DGLUCY: variants seen among roughly 807,000 people sequenced by gnomAD.
The protein encoded by DGLUCY is D-glutamate cyclase.
A neutral mutation model predicts 58.5 loss-of-function variants in DGLUCY; 58 were observed. The ratio of observed to expected loss-of-function variants is 0.99; its 90% CI spans 0.80 to 1.23. DGLUCY has a LOEUF of 1.23. DGLUCY is among the 50% of genes most tolerant of loss of function. The pLI is 0.00. For missense variants in DGLUCY, 779 were observed against 784.7 expected, an observed-to-expected ratio of 0.99 and a Z score of 0.09; for synonymous variants, 325 against 314.1, an observed-to-expected ratio of 1.03 and a Z score of -0.37.
intron 1 of DGLUCY, among the ~76,000 whole-genome samples, chr14:91,075,923 G>A (rs997936144): frequency 1.3e-5 from 2 of 152,164 alleles, no homozygotes; most frequent in African/African-American, 4.8e-5. Context: ...GACCAGCCAG[G>A]CCAACATGGT....
At chr14:91,078,791 T>C (rs1026092975) in intron 1 of DGLUCY, among the ~76,000 whole-genome samples, 4 of 152,162 alleles carry the variant, frequency 2.6e-5, no homozygotes, top group Non-Finnish European at 4.4e-5. Flanking sequence ...AAATGATCTT[T>C]AACTGTCCAG....
At chr14:91,077,549 C>T (rs532086144) in intron 1 of DGLUCY, among the ~76,000 whole-genome samples, 1 of 151,600 alleles carries the variant, frequency 6.6e-6, no homozygotes, top group African/African-American at 2.4e-5. Context: ...GTCAATAGAT[C>T]GAGACCATCC....
At chr14:91,183,441 C>A (rs2049304982) in intron 8 of DGLUCY, among the ~76,000 whole-genome samples, 1 of 152,186 alleles carries the variant, frequency 6.6e-6, no homozygotes, top group African/African-American at 2.4e-5. Flanking sequence ...TGTGGTAAAT[C>A]CCTTTGTTGG....
intron 1 of DGLUCY, among the ~76,000 whole-genome samples, chr14:91,128,328 C>T (rs111856645): frequency 1.4e-5 from 2 of 143,720 alleles, no homozygotes; most frequent in Admixed American, 1.4e-4. Flanking sequence ...AAAAAAAAAA[C>T]CCACAAGAAT....
At chr14:91,142,141 C>T (rs995779975) in intron 1 of DGLUCY, among the ~76,000 whole-genome samples, 13 of 152,150 alleles carry the variant, frequency 8.5e-5, no homozygotes, top group Non-Finnish European at 1.6e-4. Flanking sequence ...CCATCGTGCC[C>T]GGCCAGAGAG....
At chr14:91,084,219 TTTGAGATGGAGTC>T (rs1446618395) in intron 1 of DGLUCY, among the ~76,000 whole-genome samples, 1 of 151,428 alleles carries the variant, frequency 6.6e-6, no homozygotes, top group Non-Finnish European at 1.5e-5. Context: ...TTTTTTTTTT[TTTGAGATGGAGTC>T]TTGCTCTGTC....
intron 8 of DGLUCY, among the ~76,000 whole-genome samples, chr14:91,184,932 A>G (rs1042743033): frequency 6.6e-6 from 1 of 152,118 alleles, no homozygotes; most frequent in African/African-American, 2.4e-5. Flanking sequence ...ATGACTGTGT[A>G]TACATAAAGT....
chr14:91,071,836 C>T (rs1372149734), intron 1 of DGLUCY, among the ~76,000 whole-genome samples: 2 of 151,352 alleles, frequency 1.3e-5, no homozygotes, highest in East Asian at 3.9e-4. Flanking sequence ...CCACTGCACT[C>T]CAGCCTGGTA....
chr14:91,123,416 G>A (rs1223556588), intron 1 of DGLUCY, among the ~76,000 whole-genome samples: 7 of 151,842 alleles, frequency 4.6e-5, no homozygotes, highest in South Asian at 2.1e-4. Context: ...ATTTAGAAAC[G>A]GAGCAGCCCT....
At chr14:91,170,733 A>G (rs1279152135) in intron 5 of DGLUCY, among the ~76,000 whole-genome samples, 2 of 152,016 alleles carry the variant, frequency 1.3e-5, no homozygotes, top group African/African-American at 2.4e-5. Context: ...CCCAGCCCCT[A>G]CTTGTCAAGG....
At chr14:91,221,545 A>T (rs1887504407) in intron 13 of DGLUCY, among the ~76,000 whole-genome samples, 3 of 151,284 alleles carry the variant, frequency 2.0e-5, no homozygotes, top group African/African-American at 7.3e-5. Context: ...AGGTGGGTGG[A>T]TGGAGGGATG....
At chr14:91,086,082 T>A (rs1277471305) in intron 1 of DGLUCY, among the ~76,000 whole-genome samples, 1 of 152,196 alleles carries the variant, frequency 6.6e-6, no homozygotes, top group African/African-American at 2.4e-5. Context: ...TATTGTGAAC[T>A]GCGCATGTGA....
intron 9 of DGLUCY, among the ~76,000 whole-genome samples, chr14:91,193,843 GAAAAA>G (rs76724762): frequency 9.8e-6 from 1 of 102,460 alleles, no homozygotes; most frequent in Non-Finnish European, 2.1e-5. Context: ...TTCCATCTTA[GAAAAA>G]AAAAAAAAAA....
At chr14:91,090,231 AC>A (rs1290800905) in intron 1 of DGLUCY, among the ~76,000 whole-genome samples, 1 of 150,932 alleles carries the variant, frequency 6.6e-6, no homozygotes, top group African/African-American at 2.4e-5. Context: ...TTATGGGGGA[AC>A]CCCCACAGAT....
intron 1 of DGLUCY, among the ~76,000 whole-genome samples, chr14:91,092,027 C>T (rs1400233586): frequency 6.6e-6 from 1 of 152,172 alleles, no homozygotes; most frequent in African/African-American, 2.4e-5. Context: ...AATATCTATA[C>T]TCTAAGATTC....
intron 1 of DGLUCY, among the ~76,000 whole-genome samples, chr14:91,129,083 G>T (rs1459516876): frequency 6.6e-6 from 1 of 152,164 alleles, no homozygotes; most frequent in Non-Finnish European, 1.5e-5. Flanking sequence ...CCTCTGCTTT[G>T]AGCGTCAGGG....
At chr14:91,069,980 G>A (rs2043889213) in intron 1 of DGLUCY, among the ~76,000 whole-genome samples, 2 of 151,654 alleles carry the variant, frequency 1.3e-5, no homozygotes, top group African/African-American at 4.8e-5. Context: ...AAATAAGAAG[G>A]CATTTAGTTG....
intron 1 of DGLUCY, among the ~76,000 whole-genome samples, chr14:91,079,995 CT>C (rs1189948766): frequency 6.6e-6 from 1 of 152,174 alleles, no homozygotes; most frequent in Non-Finnish European, 1.5e-5. Flanking sequence ...CTGTATTCCA[CT>C]TTCTGTCCTT....
chr14:91,129,223 G>A (rs1595707436), intron 1 of DGLUCY, among the ~76,000 whole-genome samples: 1 of 152,238 alleles, frequency 6.6e-6, no homozygotes, highest in African/African-American at 2.4e-5. Flanking sequence ...GTAAACAACT[G>A]TGTCCCTAGG....
Sources: gnomAD v4.1 joint callset for allele counts (sites outside exome capture counted in the v4.1 genomes callset) on GRCh38, gnomAD v4.1.1 for gene constraint, MANE v1.5 for transcripts, NCBI Gene and HGNC (gene_info 2026-07-23, HGNC 2026-07-21) for gene names.